ALDH8A1: variants seen among roughly 807,000 people sequenced by gnomAD.
ALDH8A1 encodes the protein aldehyde dehydrogenase 8 family member A1.
In ALDH8A1, 39 loss-of-function variants were observed where a neutral mutation model predicts 43.3. The ratio of observed to expected loss-of-function variants is 0.90; its 90% confidence interval spans 0.70 to 1.18. The LOEUF is 1.18. Ranked by LOEUF, ALDH8A1 falls within the 50% of genes most tolerant of loss-of-function variation. The pLI is 0.00. For synonymous variants in ALDH8A1, 233 were observed against 243.5 expected (o/e 0.96, Z 0.40); for missense variants, 605 against 622.6 (o/e 0.97, Z 0.30).
At chr6:134,924,116 A>G (rs1258878349) in intron 6 of ALDH8A1, among the ~76,000 whole-genome samples, 1 of 152,184 alleles carries the variant, frequency 6.6e-6, no homozygotes. Context: ...CTTGCTTGAC[A>G]AAATCCAAAT....
intron 2 of ALDH8A1, 111 bp downstream of exon 2, chr6:134,943,708 A>C (rs1423084882): frequency 1.4e-6 from 2 of 1,466,914 alleles, no homozygotes; most frequent in African/African-American, 2.8e-5. Flanking sequence ...CTCCACTTCT[A>C]CTATTGCCAG....
intron 6 of ALDH8A1, among the ~76,000 whole-genome samples, chr6:134,927,931 T>C (rs1183021617): frequency 6.6e-6 from 1 of 152,154 alleles, no homozygotes; most frequent in Admixed American, 6.5e-5. Flanking sequence ...CTGGAAAATC[T>C]TCACTCCATG....
At chr6:134,938,149 C>G (rs946643159) in intron 4 of ALDH8A1, among the ~76,000 whole-genome samples, 2 of 152,230 alleles carry the variant, frequency 1.3e-5, no homozygotes, top group Non-Finnish European at 2.9e-5. Flanking sequence ...CAGTGCCTCT[C>G]TATGGGCTGA....
intron 6 of ALDH8A1, among the ~76,000 whole-genome samples, chr6:134,923,668 C>T (rs1776840444): frequency 6.6e-6 from 1 of 152,120 alleles, no homozygotes; most frequent in Non-Finnish European, 1.5e-5. Context: ...AGGGCTTTGC[C>T]AATATTTCAA....
chr6:134,945,593 G>A (rs1056072291), intron 1 of ALDH8A1, among the ~76,000 whole-genome samples: 13 of 152,076 alleles, frequency 8.5e-5, no homozygotes, highest in Admixed American at 8.5e-4. Flanking sequence ...CCTAACCCAT[G>A]TCTCACTCCT....
chr6:134,933,883 A>G (rs1773676121), intron 4 of ALDH8A1, among the ~76,000 whole-genome samples: 1 of 151,882 alleles, frequency 6.6e-6, no homozygotes, highest in African/African-American at 2.4e-5. Flanking sequence ...TAAATTTTGT[A>G]TTTTTAGTAG....
rs1409651209 is a variant in ALDH8A1, at chr6:134,929,276, T to G, written c.850-61A>C. 13 of 1,564,368 alleles carry G rather than the reference T, an allele frequency of 8.3e-6. No individual in the cohort carries two copies. The East Asian group carries it at 3.0e-4, about 36-fold the overall frequency. On this transcript the variant is annotated intron_variant, in intron 5 of 6. Transcript: ENST00000265605. ...ACTCTCCTTCATGGATAGAGCACCCTGCACTTTTGAGTACCTGCCATGTAT... is the reference window on the plus strand; with the variant it reads ...ACTCTCCTTCATGGATAGAGCACCCGGCACTTTTGAGTACCTGCCATGTAT...
intron 3 of ALDH8A1, among the ~76,000 whole-genome samples, chr6:134,940,421 A>C (rs766732554): frequency 1.3e-5 from 2 of 152,200 alleles, no homozygotes; most frequent in Non-Finnish European, 2.9e-5. Flanking sequence ...GTTGAGACAT[A>C]AAATCTCAAG....
intron 4 of ALDH8A1, among the ~76,000 whole-genome samples, chr6:134,937,863 C>T (rs1773773139): frequency 1.3e-5 from 2 of 152,132 alleles, no homozygotes; most frequent in Admixed American, 6.5e-5. Context: ...CCGCCCCACC[C>T]CCTCCACCTC....
chr6:134,939,445 T>C, intron 3 of ALDH8A1, 30 bp from the exon 4 acceptor site: 4 of 1,608,360 alleles, frequency 2.5e-6, no homozygotes, highest in Non-Finnish European at 3.4e-6. Flanking sequence ...GCACTGCCTG[T>C]GACGGCATAC....
At chr6:134,939,559 T>C (rs1015563385) in intron 3 of ALDH8A1, 144 bp from the exon 4 acceptor site, 12 of 940,336 alleles carry the variant, frequency 1.3e-5, no homozygotes, top group African/African-American at 3.3e-5. Context: ...TTTGCTTATT[T>C]GTAGCCACTT....
chr6:134,940,820 A>G (rs1376393122), intron 3 of ALDH8A1, among the ~76,000 whole-genome samples: 1 of 152,256 alleles, frequency 6.6e-6, no homozygotes, highest in Non-Finnish European at 1.5e-5. Flanking sequence ...TGAAAAATCC[A>G]TTCTTTAGGG....
chr6:134,938,158 G>C (rs536355451), intron 4 of ALDH8A1, among the ~76,000 whole-genome samples: 1 of 152,334 alleles, frequency 6.6e-6, no homozygotes, highest in East Asian at 1.9e-4. Context: ...TCTATGGGCT[G>C]AAAGGCAGCA....
chr6:134,918,637 G>A lies in ALDH8A1; in HGVS notation c.1242C>T (p.Asn414=), dbSNP rs769303994. ...SEEEVIERAN[N]VKYGLAATVW... ...CGGTAGCCGCCAGCCCATACTTAAC[G>A]TTGTTGGCTCTTTCAATCACCTCCT... The change falls in exon 7 of 7, where the codon AAC becomes AAT. Residue 414 remains asparagine (N), a synonymous_variant. Coordinates refer to ENST00000265605, the MANE Select transcript of ALDH8A1 (RefSeq NM_022568.4). 136 of 1,614,048 alleles carry A rather than the reference G, an allele frequency of 8.4e-5. No homozygotes were observed. Among genetic ancestry groups the A allele is most frequent in the Non-Finnish European group, 9.3e-5 (110 of 1,180,048 alleles).
chr6:134,924,226 G>A (rs1776850227), intron 6 of ALDH8A1, among the ~76,000 whole-genome samples: 1 of 152,152 alleles, frequency 6.6e-6, no homozygotes. Context: ...CGGTGCTACC[G>A]GGACATGCAC....
chr6:134,947,084 C>G (rs1562261775), intron 1 of ALDH8A1, among the ~76,000 whole-genome samples: 1 of 152,216 alleles, frequency 6.6e-6, no homozygotes, highest in South Asian at 2.1e-4. Flanking sequence ...CATGCATTTA[C>G]AGCCAACTCG....
chr6:134,928,867 G>C (rs1364044345), intron 6 of ALDH8A1, among the ~76,000 whole-genome samples, 187 bp downstream of exon 6: 2 of 152,006 alleles, frequency 1.3e-5, no homozygotes, highest in Non-Finnish European at 2.9e-5. Context: ...ACTTTCACCG[G>C]GACTGCATTT....
At chr6:134,945,065 G>A (rs866707911) in intron 1 of ALDH8A1, among the ~76,000 whole-genome samples, 1 of 151,598 alleles carries the variant, frequency 6.6e-6, no homozygotes, top group Middle Eastern at 3.2e-3. Context: ...CACATCCTCA[G>A]ATTGTCATTT....
At chr6:134,947,221 T>C (rs1773969240) in intron 1 of ALDH8A1, among the ~76,000 whole-genome samples, 1 of 151,892 alleles carries the variant, frequency 6.6e-6, no homozygotes, top group Non-Finnish European at 1.5e-5. Flanking sequence ...CCAAAACAAA[T>C]CAAAACAGAT....
Sources: gnomAD v4.1 joint callset for allele counts (sites outside exome capture counted in the v4.1 genomes callset) on GRCh38, gnomAD v4.1.1 for gene constraint, MANE v1.5 for transcripts, NCBI Gene and HGNC (gene_info 2026-07-23, HGNC 2026-07-21) for gene names.